The following PCDHA7 variants were observed in gnomAD, a reference collection of about 807,000 sequenced individuals.
PCDHA7 encodes protocadherin alpha-7.
PCDHA7 carries 37 observed loss-of-function variants against 57.2 expected under a neutral mutation model. The observed-to-expected ratio is 0.65, with a 90% CI of 0.50 to 0.85. The LOEUF (loss-of-function observed/expected upper bound fraction) is 0.85. PCDHA7 is among the 40% of genes least tolerant of loss of function. The probability of loss-of-function intolerance (pLI) is 0.00; values close to 1 mark genes in which losing one functional copy is unlikely to be tolerated. For synonymous variants in PCDHA7, 553 were observed against 558.8 expected (o/e 0.99, Z 0.15); for missense variants, 1,188 against 1,241.8 (o/e 0.96, Z 0.65).
At chr5:140,967,107 G>C (rs782199698) in intron 1 of PCDHA7, 1 of 1,612,994 alleles carries the variant, frequency 6.2e-7, no homozygotes. Flanking sequence ...TGTGAGCAGC[G>C]GCCTCGCTGC....
chr5:140,952,303 AC>A (rs1554220328), intron 1 of PCDHA7, among the ~76,000 whole-genome samples: 1 of 147,998 alleles, frequency 6.8e-6, no homozygotes, highest in African/African-American at 2.5e-5. Flanking sequence ...CAGCCATTTC[AC>A]TCCAGCCTGG....
chr5:140,976,553 A>C (rs1554237789), intron 1 of PCDHA7, among the ~76,000 whole-genome samples: 1 of 152,074 alleles, frequency 6.6e-6, no homozygotes, highest in African/African-American at 2.4e-5. Flanking sequence ...CCTATCTCAT[A>C]AATAAATAAA....
intron 1 of PCDHA7, chr5:140,857,524 T>G (rs251363): frequency 0.63 from 998,871 of 1,597,030 alleles, 345,157 homozygotes; most frequent in African/African-American, 0.69. Context: ...TGTCCTACTC[T>G]CTGGTGGAGC....
At chr5:140,907,847 C>T (rs1332235262) in intron 1 of PCDHA7, among the ~76,000 whole-genome samples, 15 of 152,232 alleles carry the variant, frequency 9.9e-5, no homozygotes, top group African/African-American at 3.6e-4. Flanking sequence ...TAAAATCCTC[C>T]TCTGCTGAGG....
At chr5:140,931,044 CT>C (rs781930381) in intron 1 of PCDHA7, among the ~76,000 whole-genome samples, 67 of 152,264 alleles carry the variant, frequency 4.4e-4, no homozygotes, top group South Asian at 2.7e-3. Flanking sequence ...GCAAGAAAAA[CT>C]TCAATGCTGT....
intron 1 of PCDHA7, among the ~76,000 whole-genome samples, chr5:140,899,599 C>G (rs535938234): frequency 2.0e-5 from 3 of 152,232 alleles, no homozygotes; most frequent in South Asian, 4.2e-4. Context: ...TTATTGAGGA[C>G]TTTTGCATCA....
At chr5:140,879,375 C>T (rs2057967921) in intron 1 of PCDHA7, among the ~76,000 whole-genome samples, 1 of 152,076 alleles carries the variant, frequency 6.6e-6, no homozygotes, top group Non-Finnish European at 1.5e-5. Context: ...ACCTGCAGAA[C>T]AAGGTTGGAG....
At chr5:140,926,982 G>A (rs1554203886) in intron 1 of PCDHA7, 1 of 1,610,398 alleles carries the variant, frequency 6.2e-7, no homozygotes, top group East Asian at 2.2e-5. Flanking sequence ...CGGAGGAGAC[G>A]GAGCGGGGCG....
intron 1 of PCDHA7, chr5:140,969,086 G>A: frequency 6.2e-7 from 1 of 1,614,190 alleles, no homozygotes; most frequent in Non-Finnish European, 8.5e-7. Context: ...TGGCCTCAAA[G>A]TGCAGCCTCA....
intron 1 of PCDHA7, chr5:140,856,703 C>A (rs1413055800): frequency 1.9e-6 from 3 of 1,596,568 alleles, no homozygotes; most frequent in Admixed American, 1.7e-5. Context: ...TGGAGGCAAA[C>A]CTGAATTTAC....
At position 140,928,478 on chromosome 5, in the gene PCDHA7, A is replaced by T. The variant is rs1554205922; in HGVS notation, c.2356-50471A>T. Reference sequence around the variant, plus strand: ...TTTCATTTCCAAGTAGAAGGCCGGGATGGTGGCATTCCTCCCAGAAGTGCA... The same window carrying T: ...TTTCATTTCCAAGTAGAAGGCCGGGTTGGTGGCATTCCTCCCAGAAGTGCA... On this transcript the variant is annotated intron_variant, in intron 1 of 3. Coordinates refer to ENST00000525929, the MANE Select transcript of PCDHA7 (RefSeq NM_018910.3). 2.5e-5 allele frequency: 40 copies of T among 1,614,132 alleles called. No individual in the cohort carries two copies. The highest frequency in any genetic ancestry group is 3.3e-5 in the Non-Finnish European group (39 of 1,180,008).
At chr5:140,885,677 T>C (rs1554182236) in intron 1 of PCDHA7, among the ~76,000 whole-genome samples, 1 of 152,208 alleles carries the variant, frequency 6.6e-6, no homozygotes, top group African/African-American at 2.4e-5. Context: ...ACTCTTTCTA[T>C]CTCAAGAAGC....
chr5:140,957,694 C>T (rs269548), intron 1 of PCDHA7, among the ~76,000 whole-genome samples: 31,397 of 151,782 alleles, frequency 0.21, 4,012 homozygotes, highest in African/African-American at 0.36. Flanking sequence ...AGACAATGAA[C>T]ATTATGTAGT....
intron 1 of PCDHA7, among the ~76,000 whole-genome samples, chr5:140,923,319 A>G (rs1004006693): frequency 1.1e-4 from 16 of 152,264 alleles, no homozygotes; most frequent in African/African-American, 3.9e-4. Flanking sequence ...TTGGCCTAGA[A>G]GTTCAAGGAC....
chr5:140,936,831 A>T lies in PCDHA7; in HGVS notation c.2356-42118A>T, dbSNP rs142448727. 3.1e-3 allele frequency among the ~76,000 whole-genome samples: 478 copies of T among 152,252 alleles called. 2 individuals are homozygous for T. Among genetic ancestry groups the T allele is most frequent in the African/African-American group, 0.011 (455 of 41,554 alleles). Reference sequence around the variant, plus strand: ...GCTATTTTTGGCCCTTTGCATTTCTATATAAATTGTAGATTCAGCTTCTCA... The same window carrying T: ...GCTATTTTTGGCCCTTTGCATTTCTTTATAAATTGTAGATTCAGCTTCTCA... On this transcript the variant is annotated intron_variant, in intron 1 of 3. Transcript: ENST00000525929.
chr5:140,917,294 G>A (rs1369973116), intron 1 of PCDHA7, among the ~76,000 whole-genome samples: 2 of 143,498 alleles, frequency 1.4e-5, no homozygotes, highest in Non-Finnish European at 3.0e-5. Flanking sequence ...TCCGTGTGCA[G>A]ATAGTTGTTA....
chr5:140,942,617 TG>T (rs1223896117), intron 1 of PCDHA7, among the ~76,000 whole-genome samples: 4 of 100,138 alleles, frequency 4.0e-5, no homozygotes, highest in Admixed American at 9.6e-5. Flanking sequence ...ATTTGCCAAT[TG>T]TAAAAAAAAA....
In PCDHA7 at chr5:140,927,607, C is replaced by G. The variant is rs558609705; in HGVS notation, c.2356-51342C>G. On this transcript the variant is annotated intron_variant, in intron 1 of 3. Transcript: ENST00000525929. ...GCCTGTATTTGAGCGCTCCGTATACCGCACCAAGGTTCCAGAGACTGCACC... is the reference window on the plus strand; with the variant it reads ...GCCTGTATTTGAGCGCTCCGTATACGGCACCAAGGTTCCAGAGACTGCACC... 1.5e-5 allele frequency: 24 copies of G among 1,614,180 alleles called. 1 individual carries two copies. In the South Asian group the frequency reaches 2.6e-4, roughly 18 times the overall value.
chr5:140,946,561 T>C (rs1193170794), intron 1 of PCDHA7, among the ~76,000 whole-genome samples: 1 of 148,756 alleles, frequency 6.7e-6, no homozygotes, highest in Non-Finnish European at 1.5e-5. Context: ...AGTTCAGATA[T>C]AGAATCAACT....
Sources: allele counts gnomAD v4.1 joint callset (sites outside exome capture counted in the v4.1 genomes callset), GRCh38; gene constraint gnomAD v4.1.1; transcripts MANE v1.5; gene names NCBI Gene and HGNC (gene_info 2026-07-23, HGNC 2026-07-21).